TMEM192: variants seen among roughly 807,000 people sequenced by gnomAD.
TMEM192 encodes transmembrane protein 192.
In TMEM192, 20 loss-of-function variants were observed where a neutral mutation model predicts 26.7. That is an observed-to-expected ratio of 0.75 (90% CI 0.53 to 1.09). The LOEUF (loss-of-function observed/expected upper bound fraction) is 1.09, where lower values mean the gene tolerates loss of function less well. Ranked by LOEUF, TMEM192 falls within the 50% of genes least tolerant of loss-of-function variation. The pLI is 0.00. For missense variants in TMEM192, 304 were observed against 322.6 expected (o/e 0.94, Z 0.44); for synonymous variants, 124 against 121.0 (o/e 1.02, Z -0.16).
At chr4:165,091,459 G>A (rs1734761554) in intron 3 of TMEM192, among the ~76,000 whole-genome samples, 1 of 152,154 alleles carries the variant, frequency 6.6e-6, no homozygotes, top group African/African-American at 2.4e-5. Context: ...GATGGTTTCT[G>A]CTGAAGAACT....
intron 2 of TMEM192, among the ~76,000 whole-genome samples, chr4:165,102,145 T>A (rs994018398): frequency 1.3e-5 from 2 of 152,210 alleles, no homozygotes; most frequent in East Asian, 3.8e-4. Context: ...AAACTCCAGA[T>A]AGTTGTAATT....
At chr4:165,105,759 G>A (rs969132539) in intron 1 of TMEM192, among the ~76,000 whole-genome samples, 2 of 152,198 alleles carry the variant, frequency 1.3e-5, no homozygotes, top group African/African-American at 4.8e-5. Context: ...CTCCCAGTGT[G>A]CTAGGATTAC....
rs775335473 is a variant in TMEM192, at chr4:165,098,995, C to T, written c.439+1633G>A. ...GGGATTACAGGCATGAGCCACCGAG[C>T]CTGGCCTGGATTCAAAAATTTTTAA... On this transcript the variant is annotated intron_variant, in intron 3 of 5. Transcript: ENST00000306480. Among the ~76,000 whole-genome samples, 6 of 151,906 alleles carry T rather than the reference C, an allele frequency of 3.9e-5. No homozygotes were observed. The South Asian group carries it at 8.3e-4, about 21-fold the overall frequency.
Position 165,109,677 on chromosome 4 carries a change from T to A in TMEM192, c.27+3070A>T, listed in dbSNP as rs187963042. On this transcript the variant is annotated intron_variant, in intron 1 of 5. Coordinates refer to ENST00000306480, the MANE Select transcript of TMEM192 (RefSeq NM_001100389.2). ...ACCGCACCTGGCCAGACCTGGGACATTTAAACAAAGCTAGCATTGAAAACT... is the reference window on the plus strand; with the variant it reads ...ACCGCACCTGGCCAGACCTGGGACAATTAAACAAAGCTAGCATTGAAAACT... Among the ~76,000 whole-genome samples, 14 of 152,332 alleles carry A rather than the reference T, an allele frequency of 9.2e-5. No individual in the cohort carries two copies. The East Asian group carries it at 2.5e-3, about 27-fold the overall frequency.
At chr4:165,099,230 G>A (rs1290941390) in intron 3 of TMEM192, among the ~76,000 whole-genome samples, 1 of 149,458 alleles carries the variant, frequency 6.7e-6, no homozygotes, top group Non-Finnish European at 1.5e-5. Flanking sequence ...GGGACCACAG[G>A]GGCACACCAC....
In TMEM192 at chr4:165,077,029, A is replaced by AACCTCAGGTGATCCACCT. The variant is rs1445812879; in HGVS notation, c.*2611_*2628dup. On this transcript the variant is annotated 3_prime_UTR_variant, in exon 6 of 6. Coordinates refer to ENST00000306480, the MANE Select transcript of TMEM192 (RefSeq NM_001100389.2). ...TTGGCCAGGCTGGTCTTGAGCTCCT[A>AACCTCAGGTGATCCACCT]ACCTCAGGTGATCCACCTGCCTCAG... The AACCTCAGGTGATCCACCT allele has an allele frequency of 6.6e-6, 1 of 152,068 alleles. No individual in the cohort carries two copies. Among genetic ancestry groups the AACCTCAGGTGATCCACCT allele is most frequent in the Non-Finnish European group, 1.5e-5 (1 of 68,022 alleles). The allele number at this position is 152,068 out of a possible 1,614,324, so 9.4% of individuals were successfully genotyped here. A position where few individuals can be genotyped will look rare whatever the true frequency, so the allele number is the denominator to read the frequency against.
rs897703844 is a variant in TMEM192, at chr4:165,074,463, T to C, written c.*5195A>G. 2 of 152,156 alleles carry C rather than the reference T, an allele frequency of 1.3e-5. No individual in the cohort carries two copies. The allele number at this position is 152,156 out of a possible 1,614,324, so 9.4% of individuals were successfully genotyped here. ...ATTTATTTATTTATTTATTTATTTA[T>C]TGAGACAGAGTCTCGCTCTGTCACC... On this transcript the variant is annotated 3_prime_UTR_variant, in exon 6 of 6. Coordinates refer to ENST00000306480, the MANE Select transcript of TMEM192 (RefSeq NM_001100389.2).
intron 3 of TMEM192, among the ~76,000 whole-genome samples, chr4:165,092,922 TA>T (rs1185521642): frequency 6.7e-6 from 1 of 149,064 alleles, no homozygotes; most frequent in South Asian, 2.1e-4. Context: ...TAAAAATAAA[TA>T]AAAAAAGTTT....
intron 3 of TMEM192, among the ~76,000 whole-genome samples, chr4:165,100,249 T>C (rs1343643552): frequency 6.7e-6 from 1 of 149,748 alleles, no homozygotes; most frequent in Non-Finnish European, 1.5e-5. Flanking sequence ...AACCTCTGAC[T>C]CCCTGGTTCA....
At chr4:165,098,542 C>T (rs1394150605) in intron 3 of TMEM192, among the ~76,000 whole-genome samples, 1 of 151,526 alleles carries the variant, frequency 6.6e-6, no homozygotes, top group East Asian at 2.0e-4. Context: ...GAACTCCTGG[C>T]CTCAAGCAAT....
rs1033471206 is a variant in TMEM192, at chr4:165,070,916, G to C, written c.*8742C>G. Reference sequence around the variant, plus strand: ...ATGAAGGACACAGTAGTAAGCAAAAGATAGAGCTTACATTCTATCAGGAGA... The same window carrying C: ...ATGAAGGACACAGTAGTAAGCAAAACATAGAGCTTACATTCTATCAGGAGA... On this transcript the variant is annotated 3_prime_UTR_variant, in exon 6 of 6. Transcript: ENST00000306480. 6.6e-6 allele frequency: 1 copy of C among 152,226 alleles called. No homozygotes were observed. Among genetic ancestry groups the C allele is most frequent in the East Asian group, 1.9e-4 (1 of 5,204 alleles). The allele number at this position is 152,226 out of a possible 1,614,324, so 9.4% of individuals were successfully genotyped here.
At chr4:165,095,450 G>A (rs1734871905) in intron 3 of TMEM192, among the ~76,000 whole-genome samples, 2 of 152,138 alleles carry the variant, frequency 1.3e-5, no homozygotes, top group Non-Finnish European at 2.9e-5. Context: ...ATTTCTACAA[G>A]TCAACTAAGA....
chr4:165,106,365 C>T (rs1024176652), intron 1 of TMEM192, among the ~76,000 whole-genome samples: 2 of 152,152 alleles, frequency 1.3e-5, no homozygotes, highest in African/African-American at 4.8e-5. Context: ...TTCACTGCTC[C>T]AAGACAAACA....
chr4:165,102,920 G>A (rs1735070574), intron 2 of TMEM192, 30 bp downstream of exon 2: 1 of 1,590,684 alleles, frequency 6.3e-7, no homozygotes, highest in South Asian at 1.1e-5. Flanking sequence ...CATCACCTCT[G>A]GATAGGTCCC....
chr4:165,102,148 T>C (rs984170163), intron 2 of TMEM192, among the ~76,000 whole-genome samples: 4 of 152,208 alleles, frequency 2.6e-5, no homozygotes, highest in Non-Finnish European at 5.9e-5. Flanking sequence ...CTCCAGATAG[T>C]TGTAATTTTG....
At chr4:165,096,290 C>T (rs1734899200) in intron 3 of TMEM192, among the ~76,000 whole-genome samples, 1 of 151,852 alleles carries the variant, frequency 6.6e-6, no homozygotes, top group South Asian at 2.1e-4. Context: ...TGCCTGTAGT[C>T]TAGCCTGGAG....
At chr4:165,104,672 A>T (rs1313637951) in intron 1 of TMEM192, among the ~76,000 whole-genome samples, 1 of 152,124 alleles carries the variant, frequency 6.6e-6, no homozygotes, top group South Asian at 2.1e-4. Flanking sequence ...CTAGGATTAA[A>T]GGCACGCGCC....
intron 5 of TMEM192, among the ~76,000 whole-genome samples, chr4:165,082,216 C>T (rs1734535007): frequency 2.6e-5 from 1 of 39,112 alleles, no homozygotes; most frequent in African/African-American, 4.6e-5. Flanking sequence ...GTGATCCACC[C>T]GCCTCAGCCT....
intron 3 of TMEM192, among the ~76,000 whole-genome samples, chr4:165,091,056 G>A (rs566094199): frequency 1.3e-5 from 2 of 152,008 alleles, no homozygotes; most frequent in African/African-American, 4.8e-5. Flanking sequence ...ACAAGGCCAG[G>A]AGATTGAGAC....
Sources: allele counts gnomAD v4.1 joint callset (sites outside exome capture counted in the v4.1 genomes callset), GRCh38; gene constraint gnomAD v4.1.1; transcripts MANE v1.5; gene names NCBI Gene and HGNC (gene_info 2026-07-23, HGNC 2026-07-21).